Variants in PCNX4 observed in about 807,000 individuals in gnomAD.
The protein encoded by PCNX4 is pecanex 4, also known as pecanex-like protein 4.
A neutral mutation model predicts 107.2 loss-of-function variants in PCNX4; 103 were observed. That is an observed-to-expected ratio of 0.96 (90% CI 0.82 to 1.13). The LOEUF (loss-of-function observed/expected upper bound fraction) is 1.13, where lower values mean the gene tolerates loss of function less well. Among genes scored for constraint, PCNX4 ranks in the 50% most tolerant of loss-of-function variants. The pLI is 0.00. For synonymous variants in PCNX4, 541 were observed against 481.7 expected (o/e 1.12, Z -1.61); for missense variants, 1,528 against 1,379.4 (o/e 1.11, Z -1.71).
Position 60,147,844 on chromosome 14 carries a change from T to C in PCNX4, c.*13623T>C, listed in dbSNP as rs1166092519. 6.6e-6 allele frequency: 1 copy of C among 152,234 alleles called. No individual in the cohort carries two copies. The highest frequency in any genetic ancestry group is 2.4e-5 in the African/African-American group (1 of 41,432). 9.4% of individuals were successfully genotyped at this position (152,234 alleles called of 1,614,324 possible). On this transcript the variant is annotated 3_prime_UTR_variant, in exon 11 of 11. Transcript: ENST00000406854. Reference sequence around the variant, plus strand: ...CTGCCAGGAGGCTGTGCTTCCTCTGTAGTAAGGTGGCCTGTCCCTCTCAAC... The same window carrying C: ...CTGCCAGGAGGCTGTGCTTCCTCTGCAGTAAGGTGGCCTGTCCCTCTCAAC...
At chr14:60,094,594 C>T (rs1343688417) in intron 1 of PCNX4, among the ~76,000 whole-genome samples, 2 of 152,154 alleles carry the variant, frequency 1.3e-5, no homozygotes, top group Non-Finnish European at 2.9e-5. Flanking sequence ...GGCCAAACCA[C>T]CTGATCATAG....
chr14:60,105,920 A>G (rs1895619590), intron 1 of PCNX4, among the ~76,000 whole-genome samples: 1 of 151,982 alleles, frequency 6.6e-6, no homozygotes, highest in Non-Finnish European at 1.5e-5. Flanking sequence ...CTCCAAGTTC[A>G]TTTTCCTGTC....
rs1896312855 is a variant in PCNX4, at chr14:60,142,018, T to G, written c.*7797T>G. ...AGTTTATGTGTACAAAATGTATAAT[T>G]ACATTTATGTAAAACTATAAAATGC... On this transcript the variant is annotated 3_prime_UTR_variant, in exon 11 of 11. Transcript: ENST00000406854. The surrounding 1 kb of genome is among the most constrained non-coding windows in gnomAD (Gnocchi z 4.7). 3.3e-5 allele frequency: 5 copies of G among 152,384 alleles called. No homozygotes were observed. In the South Asian group the frequency reaches 1.0e-3, roughly 32 times the overall value. 9.4% of individuals were successfully genotyped at this position (152,384 alleles called of 1,614,324 possible). A position where few individuals can be genotyped will look rare whatever the true frequency, so the allele number is the denominator to read the frequency against.
intron 7 of PCNX4, 35 bp from the exon 8 acceptor site, chr14:60,121,161 C>CTTTTTTTTTTTTTTTTTTTTTTATTTTT: frequency 9.1e-7 from 1 of 1,101,176 alleles, no homozygotes; most frequent in Non-Finnish European, 1.2e-6. Flanking sequence ...AAATGATTTT[C>CTTTTTTTTTTTTTTTTTTTTTTATTTTT]TTTTTTTTTT....
At chr14:60,122,288 G>A (rs1336526661) in intron 8 of PCNX4, among the ~76,000 whole-genome samples, 2 of 152,060 alleles carry the variant, frequency 1.3e-5, no homozygotes, top group Non-Finnish European at 2.9e-5. Flanking sequence ...GTCAAACCAT[G>A]TCACTTCTGT....
At chr14:60,129,656 T>C (rs1190965743) in intron 10 of PCNX4, among the ~76,000 whole-genome samples, 1 of 152,350 alleles carries the variant, frequency 6.6e-6, no homozygotes, top group African/African-American at 2.4e-5. Context: ...ATTATAACTA[T>C]GTACTGTTGG....
intron 7 of PCNX4, among the ~76,000 whole-genome samples, chr14:60,119,283 T>G (rs1015375094): frequency 5.3e-5 from 8 of 152,208 alleles, no homozygotes; most frequent in Admixed American, 3.9e-4. Context: ...GTTATGAGTT[T>G]TAATGCTTTT....
chr14:60,145,732 A>G lies in PCNX4; in HGVS notation c.*11511A>G, dbSNP rs1013946492. 7.2e-5 allele frequency: 11 copies of G among 152,196 alleles called. No individual in the cohort carries two copies. Among genetic ancestry groups the G allele is most frequent in the African/African-American group, 1.7e-4 (7 of 41,462 alleles). The allele number at this position is 152,196 out of a possible 1,614,324, so 9.4% of individuals were successfully genotyped here. Reference sequence around the variant, plus strand: ...GAACTTTTTGTATATTGCTTAAGGAATAAAACAAGGCAACCTGATAATCCC... The same window carrying G: ...GAACTTTTTGTATATTGCTTAAGGAGTAAAACAAGGCAACCTGATAATCCC... On this transcript the variant is annotated 3_prime_UTR_variant, in exon 11 of 11. Transcript: ENST00000406854. The surrounding 1 kb of genome is among the most constrained non-coding windows in gnomAD (Gnocchi z 4.0).
intron 1 of PCNX4, among the ~76,000 whole-genome samples, chr14:60,093,186 A>G (rs1164753198): frequency 6.6e-6 from 1 of 152,210 alleles, no homozygotes; most frequent in Non-Finnish European, 1.5e-5. Context: ...TGTGGAAAAT[A>G]CCAATCAGGG....
intron 1 of PCNX4, among the ~76,000 whole-genome samples, chr14:60,104,145 C>T (rs1895585441): frequency 6.6e-6 from 1 of 151,804 alleles, no homozygotes; most frequent in Non-Finnish European, 1.5e-5. Flanking sequence ...ATGGTGAAAC[C>T]CCGTCTCCAC....
chr14:60,128,831 G>A (rs1004264598), intron 10 of PCNX4, among the ~76,000 whole-genome samples: 4 of 152,230 alleles, frequency 2.6e-5, no homozygotes, highest in African/African-American at 9.6e-5. Context: ...TAGGGGCAAA[G>A]CTGTACTGGA....
chr14:60,117,386 C>T (rs1182155755), intron 6 of PCNX4, among the ~76,000 whole-genome samples: 27 of 152,132 alleles, frequency 1.8e-4, no homozygotes, highest in Non-Finnish European at 1.5e-5. Context: ...AGTACTGTAA[C>T]ATTCAGTACA....
chr14:60,128,981 G>A lies in PCNX4; in HGVS notation c.3267+3158G>A, dbSNP rs886268491. The stretch of plus-strand genomic sequence containing the variant: ...TAATCCCAGCACTTTGGGAGGCCGC[G>A]GCAGGCGGATCACCTGAAGTCAGGA... On this transcript the variant is annotated intron_variant, in intron 10 of 10. Transcript: ENST00000406854. Among the ~76,000 whole-genome samples, 10 of 152,230 alleles carry A rather than the reference G, an allele frequency of 6.6e-5. No homozygotes were observed. The East Asian group carries it at 1.4e-3, about 21-fold the overall frequency.
intron 1 of PCNX4, among the ~76,000 whole-genome samples, chr14:60,096,538 A>G (rs149547151): frequency 6.4e-4 from 98 of 152,372 alleles, no homozygotes; most frequent in Non-Finnish European, 1.2e-3. Context: ...GTGCCCAGGC[A>G]TAACATAGGG....
intron 2 of PCNX4, chr14:60,109,802 G>C (rs1895699860): frequency 6.0e-6 from 1 of 167,170 alleles, no homozygotes; most frequent in Non-Finnish European, 1.5e-5. Context: ...GAAGTCTGAA[G>C]TCCCCTGAAC....
rs1896343307 is a variant in PCNX4 at position 60,144,230 on chromosome 14, A to G, written c.*10009A>G. The G allele has an allele frequency of 6.6e-6, 1 of 152,240 alleles. No individual in the cohort carries two copies. Among genetic ancestry groups the G allele is most frequent in the African/African-American group, 2.4e-5 (1 of 41,452 alleles). 9.4% of individuals were successfully genotyped at this position (152,240 alleles called of 1,614,324 possible). A position where few individuals can be genotyped will look rare whatever the true frequency, so the allele number is the denominator to read the frequency against. On this transcript the variant is annotated 3_prime_UTR_variant, in exon 11 of 11. Coordinates refer to ENST00000406854, the MANE Select transcript of PCNX4 (RefSeq NM_001330177.2). Reference sequence around the variant, plus strand: ...TGTCAACTTTTCTAAGAGTATAAGCATCTTGGAGGTAAGGTCATTTCAAAT... The same window carrying G: ...TGTCAACTTTTCTAAGAGTATAAGCGTCTTGGAGGTAAGGTCATTTCAAAT...
In PCNX4 at chr14:60,136,220, G is replaced by C. The variant is rs1399296583; in HGVS notation, c.*1999G>C. ...TGAAGCAGCTTTTGTGTTTTCTTTT[G>C]AACTTTCCTGACACTACATTATCTT... On this transcript the variant is annotated 3_prime_UTR_variant, in exon 11 of 11. Coordinates refer to ENST00000406854, the MANE Select transcript of PCNX4 (RefSeq NM_001330177.2). 2 of 151,710 alleles carry C rather than the reference G, an allele frequency of 1.3e-5. No homozygotes were observed. The highest frequency in any genetic ancestry group is 2.9e-5 in the Non-Finnish European group (2 of 67,932). 9.4% of individuals were successfully genotyped at this position (151,710 alleles called of 1,614,324 possible).
intron 2 of PCNX4, among the ~76,000 whole-genome samples, chr14:60,112,917 C>G (rs1895766038): frequency 6.6e-6 from 1 of 152,240 alleles, no homozygotes; most frequent in Admixed American, 6.5e-5. Context: ...GGCGCGGTGG[C>G]TCACGCCTGT....
rs775073580 is a variant in PCNX4, at chr14:60,124,738, C to A, written c.2567C>A (p.Ser856Ter). ...GGTACAAATTTGTTTATTCCAGGAT[C>A]AGTAGAATCACAGAGGGTTGGTGAT... is the stretch of plus-strand genomic sequence containing the variant. ...LPGTNLFIPG[S>*]VESQRVGDHS... Residue 856 changes from serine (S) to a stop codon, truncating the protein, a stop_gained, in exon 9 of 11, where the codon TCA (serine) becomes TAA (stop). Transcript: ENST00000406854. LOFTEE classifies it high-confidence loss of function. 1.9e-6 allele frequency: 3 copies of A among 1,613,098 alleles called. No individual in the cohort carries two copies. Among genetic ancestry groups the A allele is most frequent in the Admixed American group, 1.7e-5 (1 of 60,016 alleles).
Sources: gnomAD v4.1 joint callset for allele counts (sites outside exome capture counted in the v4.1 genomes callset) on GRCh38, gnomAD v4.1.1 for gene constraint, Gnocchi (gnomAD v3.1) non-coding constraint, MANE v1.5 for transcripts, NCBI Gene and HGNC (gene_info 2026-07-23, HGNC 2026-07-21) for gene names.